The following PRKCB variants were observed in gnomAD, a reference collection of about 807,000 sequenced individuals.
PRKCB encodes the protein protein kinase C beta type.
Under a neutral mutation model 81.5 loss-of-function variants are expected in PRKCB, and 13 were observed. The ratio of observed to expected loss-of-function variants is 0.16; its 90% confidence interval spans 0.10 to 0.25. The LOEUF (loss-of-function observed/expected upper bound fraction) is 0.25. Among genes scored for constraint, PRKCB ranks in the 10% least tolerant of loss-of-function variants. The probability of loss-of-function intolerance (pLI) is 1.00; values close to 1 mark genes in which losing one functional copy is unlikely to be tolerated. For synonymous variants in PRKCB, 335 were observed against 321.4 expected (o/e 1.04, Z -0.45); for missense variants, 509 against 875.7 (o/e 0.58, Z 5.29).
At chr16:23,889,585 C>T (rs1018678929) in intron 2 of PRKCB, among the ~76,000 whole-genome samples, 2 of 152,174 alleles carry the variant, frequency 1.3e-5, no homozygotes, top group South Asian at 2.1e-4. Context: ...TAGGTGGGGC[C>T]GTATGAGTAG....
Position 23,896,417 on chromosome 16 carries a change from T to C in PRKCB, c.205+59011T>C, listed in dbSNP as rs566767461. On this transcript the variant is annotated intron_variant, in intron 2 of 16. Coordinates refer to ENST00000643927, the MANE Select transcript of PRKCB (RefSeq NM_002738.7). Reference sequence around the variant, plus strand: ...GTGCTAGGGTCTGAGAGAAACGTATTTGATGTAAACCTGGTCTGTGTCTTC... The same window carrying C: ...GTGCTAGGGTCTGAGAGAAACGTATCTGATGTAAACCTGGTCTGTGTCTTC... Among the ~76,000 whole-genome samples the C allele has an allele frequency of 2.9e-4, 44 of 152,294 alleles. 1 individual carries two copies. The South Asian group carries it at 9.1e-3, about 32-fold the overall frequency.
At chr16:24,069,480 T>A (rs572584069) in intron 5 of PRKCB, among the ~76,000 whole-genome samples, 1 of 152,244 alleles carries the variant, frequency 6.6e-6, no homozygotes, top group African/African-American at 2.4e-5. Flanking sequence ...TGGTGGCTCA[T>A]GCCTGTAATC....
intron 2 of PRKCB, among the ~76,000 whole-genome samples, chr16:23,919,666 T>C (rs1282259239): frequency 1.3e-5 from 2 of 152,182 alleles, no homozygotes; most frequent in African/African-American, 4.8e-5. Context: ...CAATTCTCCA[T>C]TCCCTCTTCC....
intron 5 of PRKCB, among the ~76,000 whole-genome samples, chr16:24,073,445 C>T (rs550805079): frequency 1.2e-3 from 179 of 152,336 alleles, no homozygotes; most frequent in African/African-American, 4.2e-3. Flanking sequence ...GATCCTCCCG[C>T]CTCAGCCCCT....
At chr16:24,002,483 G>A (rs1325482932) in intron 3 of PRKCB, among the ~76,000 whole-genome samples, 1 of 151,934 alleles carries the variant, frequency 6.6e-6, no homozygotes, top group Non-Finnish European at 1.5e-5. Flanking sequence ...CGGATTATAG[G>A]CACCCACCAC....
intron 5 of PRKCB, among the ~76,000 whole-genome samples, chr16:24,050,343 G>A (rs538287515): frequency 2.6e-5 from 4 of 152,134 alleles, no homozygotes; most frequent in Non-Finnish European, 5.9e-5. Context: ...TCCTTATAAA[G>A]CAGGGTGCCC....
intron 5 of PRKCB, 25 bp downstream of exon 5, chr16:24,035,572 G>T: frequency 6.3e-7 from 1 of 1,594,032 alleles, no homozygotes; most frequent in South Asian, 1.1e-5. Flanking sequence ...GGCTCCACTG[G>T]CTCCTGACCT....
Position 23,869,937 on chromosome 16 carries a change from G to A in PRKCB, c.205+32531G>A, listed in dbSNP as rs148068464. On this transcript the variant is annotated intron_variant, in intron 2 of 16. Transcript: ENST00000643927. ...CTCAGGAGGCTGAAGCAGGAGAATC[G>A]CTTAAACCTGGGAGGCGGAGGTTGC... Among the ~76,000 whole-genome samples the A allele has an allele frequency of 3.5e-4, 53 of 151,842 alleles. No homozygotes were observed. The South Asian group carries it at 5.2e-3, about 15-fold the overall frequency.
chr16:24,029,297 G>C (rs1323511406), intron 3 of PRKCB, among the ~76,000 whole-genome samples: 1 of 152,150 alleles, frequency 6.6e-6, no homozygotes, highest in Non-Finnish European at 1.5e-5. Flanking sequence ...CATGTCAAGG[G>C]AGAGACCAGG....
In PRKCB at chr16:24,220,115, T is replaced by C. The variant is rs748016236; in HGVS notation, c.*5299T>C. 2.7e-5 allele frequency: 44 copies of C among 1,613,920 alleles called. No homozygotes were observed. The highest frequency in any genetic ancestry group is 7.6e-6 in the Non-Finnish European group (9 of 1,179,968). On this transcript the variant is annotated 3_prime_UTR_variant, in exon 17 of 17. Transcript: ENST00000643927. ...CCAGAGTTTGTCATTAATGTGTAGG[T>C]GAATGCAAACTCCATCGTTGAGCCT...
intron 2 of PRKCB, among the ~76,000 whole-genome samples, chr16:23,851,131 G>A (rs991853910): frequency 6.6e-6 from 1 of 152,072 alleles, no homozygotes; most frequent in Non-Finnish European, 1.5e-5. Flanking sequence ...CCTCCCATTT[G>A]TCTCCTTTTG....
intron 5 of PRKCB, among the ~76,000 whole-genome samples, chr16:24,065,636 C>T (rs1479507220): frequency 6.6e-6 from 1 of 152,084 alleles, no homozygotes; most frequent in East Asian, 1.9e-4. Flanking sequence ...TTCACATTTC[C>T]ATCTGGGATC....
At chr16:23,947,885 C>T (rs1468730798) in intron 2 of PRKCB, among the ~76,000 whole-genome samples, 1 of 124,432 alleles carries the variant, frequency 8.0e-6, no homozygotes, top group African/African-American at 3.1e-5. Context: ...TCTGGAGCCG[C>T]TTTTTTTTTT....
intron 2 of PRKCB, among the ~76,000 whole-genome samples, chr16:23,863,255 T>C (rs201922869): frequency 0.08 from 10,591 of 131,854 alleles, 548 homozygotes; most frequent in African/African-American, 0.12. Context: ...TATATACACA[T>C]ACACACACAC....
intron 2 of PRKCB, among the ~76,000 whole-genome samples, chr16:23,971,853 A>G (rs1964561292): frequency 6.6e-6 from 1 of 152,190 alleles, no homozygotes; most frequent in Non-Finnish European, 1.5e-5. Flanking sequence ...AAACAATGGC[A>G]GTTTCTTATT....
chr16:24,122,845 A>T (rs1224289093), intron 8 of PRKCB, among the ~76,000 whole-genome samples: 1 of 152,120 alleles, frequency 6.6e-6, no homozygotes. Flanking sequence ...TCTCCCACTC[A>T]TGGCTTCCAG....
chr16:23,836,619 C>T (rs1471233513), intron 1 of PRKCB, among the ~76,000 whole-genome samples: 2 of 151,690 alleles, frequency 1.3e-5, no homozygotes, highest in Non-Finnish European at 2.9e-5. Flanking sequence ...GGGGCGGCGT[C>T]GCGGGAGCCT....
At chr16:24,023,119 G>T (rs751567926) in intron 3 of PRKCB, among the ~76,000 whole-genome samples, 2 of 152,112 alleles carry the variant, frequency 1.3e-5, no homozygotes, top group Non-Finnish European at 2.9e-5. Flanking sequence ...GGAGTGCAGT[G>T]GTGCCATCAT....
Position 23,836,337 on chromosome 16 carries a change from C to T in PRKCB, c.162C>T (p.Thr54=), listed in dbSNP as rs115667450. The stretch of plus-strand genomic sequence containing the variant: ...AGCCCACCTTCTGCAGCCACTGCAC[C>T]GACTTCATCTGGTGAGCGCGCGCGC... ...FKQPTFCSHC[T]DFIWGFGKQG... Residue 54 remains threonine, a synonymous_variant, in exon 1 of 17, where the codon ACC becomes ACT. Transcript: ENST00000643927. 385 of 1,602,246 alleles carry T rather than the reference C, an allele frequency of 2.4e-4. 1 individual carries two copies. The African/African-American group carries it at 4.8e-3, about 20-fold the overall frequency.
Sources: gnomAD v4.1 joint callset for allele counts (sites outside exome capture counted in the v4.1 genomes callset) on GRCh38, gnomAD v4.1.1 for gene constraint, MANE v1.5 for transcripts, NCBI Gene and HGNC (gene_info 2026-07-23, HGNC 2026-07-21) for gene names.